The following EXO1 variants were observed in gnomAD, a reference collection of about 807,000 sequenced individuals.
The protein encoded by EXO1 is exonuclease 1.
EXO1 carries 69 observed loss-of-function variants against 84.5 expected under a neutral mutation model. The observed-to-expected ratio is 0.82, with a 90% confidence interval of 0.67 to 1.00. EXO1 has a LOEUF of 1.00. Among genes scored for constraint, EXO1 ranks in the 50% least tolerant of loss-of-function variants. The probability of loss-of-function intolerance (pLI) is 0.00; values close to 1 mark genes in which losing one functional copy is unlikely to be tolerated. For missense variants in EXO1, 1,045 were observed against 1,000.7 expected, an observed-to-expected ratio of 1.04 and a Z score of -0.60; for synonymous variants, 373 against 366.1, an observed-to-expected ratio of 1.02 and a Z score of -0.21.
intron 14 of EXO1, among the ~76,000 whole-genome samples, chr1:241,884,889 C>T (rs1329373496): frequency 6.6e-6 from 1 of 152,166 alleles, no homozygotes; most frequent in Non-Finnish European, 1.5e-5. Flanking sequence ...TACCATTGCT[C>T]ATGGGTTATT....
chr1:241,863,423 C>CA (rs11458545), intron 10 of EXO1, among the ~76,000 whole-genome samples: 74,736 of 144,578 alleles, frequency 0.52, 19,215 homozygotes, highest in East Asian at 0.71. Flanking sequence ...AAAAAAAAAA[C>CA]AAAAAAAGCG....
intron 7 of EXO1, among the ~76,000 whole-genome samples, chr1:241,857,832 T>G (rs1236933378): frequency 6.6e-6 from 1 of 152,202 alleles, no homozygotes; most frequent in Admixed American, 6.5e-5. Flanking sequence ...TTTTTAATAA[T>G]GACAACATAT....
At chr1:241,889,363 G>A (rs4150019) in intron 15 of EXO1, 102 bp from the exon 16 acceptor site, 2 of 1,023,246 alleles carry the variant, frequency 2.0e-6, no homozygotes, top group Non-Finnish European at 3.1e-6. Flanking sequence ...ACAGTAAAGG[G>A]TCTTATCCTC....
chr1:241,864,407 C>T (rs1439981414), intron 10 of EXO1, among the ~76,000 whole-genome samples: 1 of 152,176 alleles, frequency 6.6e-6, no homozygotes, highest in East Asian at 1.9e-4. Context: ...TTTGTTTCAT[C>T]TCTGTTTTCA....
chr1:241,877,781 G>T (rs1043007280), intron 12 of EXO1, among the ~76,000 whole-genome samples: 5 of 150,244 alleles, frequency 3.3e-5, no homozygotes, highest in African/African-American at 1.2e-4. Flanking sequence ...TGGAATTTAT[G>T]ATTGATTTGA....
intron 11 of EXO1, among the ~76,000 whole-genome samples, chr1:241,870,961 A>G (rs72755295): frequency 0.021 from 3,254 of 152,318 alleles, 57 homozygotes; most frequent in Non-Finnish European, 0.031. Flanking sequence ...ACTAATATAC[A>G]GTAGATATGG....
chr1:241,854,939 G>C (rs4149878), intron 6 of EXO1, among the ~76,000 whole-genome samples: 3 of 151,950 alleles, frequency 2.0e-5, no homozygotes, highest in African/African-American at 7.3e-5. Flanking sequence ...TTAAGGCAGC[G>C]CGTCTGGAGT....
At chr1:241,857,837 A>G (rs1661151803) in intron 7 of EXO1, among the ~76,000 whole-genome samples, 1 of 152,184 alleles carries the variant, frequency 6.6e-6, no homozygotes, top group Admixed American at 6.5e-5. Flanking sequence ...AATAATGACA[A>G]CATATGCTTT....
At chr1:241,874,670 A>G (rs922116486) in intron 12 of EXO1, among the ~76,000 whole-genome samples, 1 of 152,232 alleles carries the variant, frequency 6.6e-6, no homozygotes, top group Non-Finnish European at 1.5e-5. Context: ...GAGATGTGTG[A>G]CTTGACAAGT....
At chr1:241,868,332 C>G (rs926251356) in intron 11 of EXO1, among the ~76,000 whole-genome samples, 1 of 146,910 alleles carries the variant, frequency 6.8e-6, no homozygotes, top group South Asian at 2.1e-4. Context: ...GCGGAGATCA[C>G]GCAGTGCACT....
intron 12 of EXO1, 82 bp from the exon 13 acceptor site, chr1:241,878,666 AT>A: frequency 1.3e-6 from 1 of 784,998 alleles, no homozygotes; most frequent in Non-Finnish European, 2.1e-6. Context: ...GAAACTGATT[AT>A]TCCATTTTGA....
chr1:241,872,185 G>A lies in EXO1; in HGVS notation c.1421G>A (p.Ser474Asn). Residue 474 changes from serine to asparagine, a missense_variant, in exon 12 of 16, where the codon AGC (serine) becomes AAC (asparagine). Ser to Asn is a conservative substitution (Grantham distance 46). Coordinates refer to ENST00000366548, the MANE Select transcript of EXO1 (RefSeq NM_130398.4). ...GGACCTACTAACAAAAAGAGTGTAA[G>A]CACTCCACCTAGGACGAGAAATAAA... ...VNGPTNKKSV[S>N]TPPRTRNKFA... 6.2e-7 allele frequency: 1 copy of A among 1,613,862 alleles called. No homozygotes were observed. The highest frequency in any genetic ancestry group is 1.1e-5 in the South Asian group (1 of 91,078).
chr1:241,875,706 A>G lies in EXO1; in HGVS notation c.1515-3043A>G, dbSNP rs528329194. Among the ~76,000 whole-genome samples the G allele has an allele frequency of 5.6e-4, 86 of 152,214 alleles. 2 individuals are homozygous for G. In the Middle Eastern group the frequency reaches 0.014, roughly 24 times the overall value. On this transcript the variant is annotated intron_variant, in intron 12 of 15. Coordinates refer to ENST00000366548, the MANE Select transcript of EXO1 (RefSeq NM_130398.4). Reference sequence around the variant, plus strand: ...ATCCTGGCTAACATGGTGAAACCCCATCTCTACTAAAAGTACAAAAAATTA... The same window carrying G: ...ATCCTGGCTAACATGGTGAAACCCCGTCTCTACTAAAAGTACAAAAAATTA...
intron 3 of EXO1, among the ~76,000 whole-genome samples, chr1:241,849,905 T>G (rs970703303): frequency 6.6e-6 from 1 of 152,196 alleles, no homozygotes; most frequent in Non-Finnish European, 1.5e-5. Flanking sequence ...GTATTAGTGA[T>G]TAATGTAAAT....
chr1:241,869,732 T>G (rs1661970269), intron 11 of EXO1, among the ~76,000 whole-genome samples: 1 of 143,434 alleles, frequency 7.0e-6, no homozygotes, highest in Non-Finnish European at 1.5e-5. Flanking sequence ...TCTTCCTTCC[T>G]TCCTTCCCTC....
chr1:241,858,177 G>C (rs1242881447), intron 7 of EXO1, among the ~76,000 whole-genome samples: 1 of 152,186 alleles, frequency 6.6e-6, no homozygotes, highest in Non-Finnish European at 1.5e-5. Flanking sequence ...ACAAGTGACA[G>C]AGAAAGAGAA....
At chr1:241,864,501 G>A (rs998857338) in intron 10 of EXO1, among the ~76,000 whole-genome samples, 6 of 152,218 alleles carry the variant, frequency 3.9e-5, no homozygotes, top group Non-Finnish European at 8.8e-5. Flanking sequence ...TGGTTCTGAA[G>A]GCAGGTAGAT....
chr1:241,887,704 T>G (rs746511730), intron 15 of EXO1, among the ~76,000 whole-genome samples: 2 of 152,152 alleles, frequency 1.3e-5, no homozygotes, highest in Non-Finnish European at 2.9e-5. Flanking sequence ...AGTGGCACAA[T>G]CTCAGCTCAC....
intron 10 of EXO1, 62 bp from the exon 11 acceptor site, chr1:241,866,768 C>G (rs1368215433): frequency 1.6e-6 from 2 of 1,216,744 alleles, no homozygotes; most frequent in Non-Finnish European, 2.4e-6. Flanking sequence ...TATGTTGATA[C>G]AGAAGGAAAT....
Sources: gnomAD v4.1 joint callset for allele counts (sites outside exome capture counted in the v4.1 genomes callset) on GRCh38, gnomAD v4.1.1 for gene constraint, MANE v1.5 for transcripts, NCBI Gene and HGNC (gene_info 2026-07-23, HGNC 2026-07-21) for gene names.